SLC25A34: variants seen among roughly 807,000 people sequenced by gnomAD.
SLC25A34 encodes the protein solute carrier family 25, member 34.
SLC25A34 carries 26 observed loss-of-function variants against 28.1 expected under a neutral mutation model. That is an observed-to-expected ratio of 0.93 (90% CI 0.68 to 1.28). The LOEUF (loss-of-function observed/expected upper bound fraction) is 1.28. Among genes scored for constraint, SLC25A34 ranks in the 50% most tolerant of loss-of-function variants. The probability of loss-of-function intolerance (pLI) is 0.00; values close to 1 mark genes in which losing one functional copy is unlikely to be tolerated. For missense variants in SLC25A34, 384 were observed against 409.8 expected (o/e 0.94, Z 0.54); for synonymous variants, 182 against 182.2 (o/e 1.00, Z 0.01).
intron 4 of SLC25A34, 148 bp from the exon 5 acceptor site, chr1:15,739,076 C>A: frequency 9.6e-7 from 1 of 1,038,276 alleles, no homozygotes; most frequent in South Asian, 1.8e-5. Context: ...CACAGCCTTC[C>A]CATGGCGCCG....
At position 15,741,078 on chromosome 1, in the gene SLC25A34, G is replaced by A. The variant is rs970628733; in HGVS notation, c.*1672G>A. The A allele has an allele frequency of 5.9e-5, 9 of 152,312 alleles. No homozygotes were observed. The highest frequency in any genetic ancestry group is 2.1e-4 in the South Asian group (1 of 4,836). The allele number at this position is 152,312 out of a possible 1,614,324, so 9.4% of individuals were successfully genotyped here. On this transcript the variant is annotated 3_prime_UTR_variant, in exon 5 of 5. Transcript: ENST00000294454. The stretch of plus-strand genomic sequence containing the variant: ...TCCTGACAAGCCTGAAAGAAGCTCC[G>A]GGTGCCCATTGTTCAGTCCAGGTGC...
rs1038534933 is a variant in SLC25A34, at chr1:15,740,696, A to G, written c.*1290A>G. The G allele has an allele frequency of 3.9e-5, 6 of 151,972 alleles. No homozygotes were observed. The highest frequency in any genetic ancestry group is 9.7e-5 in the African/African-American group (4 of 41,270). 9.4% of individuals were successfully genotyped at this position (151,972 alleles called of 1,614,324 possible). A position where few individuals can be genotyped will look rare whatever the true frequency, so the allele number is the denominator to read the frequency against. On this transcript the variant is annotated 3_prime_UTR_variant, in exon 5 of 5. Coordinates refer to ENST00000294454, the MANE Select transcript of SLC25A34 (RefSeq NM_207348.3). ...CAGGGGCCGCAGTTCAGCCAACATC[A>G]TCTTTTTTTTTGAGATGGAGTCTCG...
Position 15,739,523 on chromosome 1 carries a change from C to G in SLC25A34, c.*117C>G, listed in dbSNP as rs1342854099. The G allele has an allele frequency of 1.6e-6, 2 of 1,264,688 alleles. No homozygotes were observed. The highest frequency in any genetic ancestry group is 1.5e-5 in the African/African-American group (1 of 65,560). The allele number at this position is 1,264,688 out of a possible 1,614,324, so 78.3% of individuals were successfully genotyped here. A position where few individuals can be genotyped will look rare whatever the true frequency, so the allele number is the denominator to read the frequency against. ...CATGGGCCCAGGCCCTGCCAGAGGT[C>G]CCGGGAGAGTGTGGACAGCTCTGGT... On this transcript the variant is annotated 3_prime_UTR_variant, in exon 5 of 5. Coordinates refer to ENST00000294454, the MANE Select transcript of SLC25A34 (RefSeq NM_207348.3).
chr1:15,739,696 G>A lies in SLC25A34; in HGVS notation c.*290G>A. ...TGCTCAGTTATAGCAACTGCTGCGG[G>A]CGTGCACATGGCATAGGCCCAGTAA... On this transcript the variant is annotated 3_prime_UTR_variant, in exon 5 of 5. Coordinates refer to ENST00000294454, the MANE Select transcript of SLC25A34 (RefSeq NM_207348.3). 1 of 308,592 alleles carries A rather than the reference G, an allele frequency of 3.2e-6. No individual in the cohort carries two copies. 19.1% of individuals were successfully genotyped at this position (308,592 alleles called of 1,614,324 possible).
chr1:15,736,912 C>G, intron 1 of SLC25A34, 49 bp downstream of exon 1: 3 of 1,459,570 alleles, frequency 2.1e-6, no homozygotes, highest in African/African-American at 1.4e-5. Flanking sequence ...CATGACCCAG[C>G]TCCCACAGGG....
Position 15,738,711 on chromosome 1 carries a change from G to C in SLC25A34, c.715G>C (p.Val239Leu). 6.3e-7 allele frequency: 1 copy of C among 1,583,798 alleles called. No individual in the cohort carries two copies. Among genetic ancestry groups the C allele is most frequent in the Admixed American group, 1.7e-5 (1 of 57,236 alleles). ...CAGCACGCGGCTATACAATCAGCCG[G>C]TGGACACAGCTGGCAGGGTGAGCAG... Reference protein sequence around the residue: ...VVSTRLYNQPVDTAGRGQLYG... With the variant: ...VVSTRLYNQPLDTAGRGQLYG... The change falls in exon 4 of 5, where the codon GTG becomes CTG. Residue 239 changes from valine to leucine, a missense_variant. Physicochemically the swap from Val to Leu is conservative, Grantham distance 32. Coordinates refer to ENST00000294454, the MANE Select transcript of SLC25A34 (RefSeq NM_207348.3).
rs1401711700 is a variant in SLC25A34 at position 15,738,587 on chromosome 1, C to T, written c.598-7C>T. 6.2e-7 allele frequency: 1 copy of T among 1,605,200 alleles called. No homozygotes were observed. The highest frequency in any genetic ancestry group is 1.1e-5 in the South Asian group (1 of 90,216). On this transcript the variant is annotated splice_region_variant and splice_polypyrimidine_tract_variant and intron_variant, in intron 3 of 4. Coordinates refer to ENST00000294454, the MANE Select transcript of SLC25A34 (RefSeq NM_207348.3). Reference sequence around the variant, plus strand: ...TGCAGGGATCAGCACCTGTGCCATCCCCACAGTGGCTCCCTGAGGACAGCT... The same window carrying T: ...TGCAGGGATCAGCACCTGTGCCATCTCCACAGTGGCTCCCTGAGGACAGCT...
Position 15,736,819 on chromosome 1 carries a change from G to C in SLC25A34, c.334G>C (p.Val112Leu). ...QPGGTVVAGA[V>L]AGALGAFVGS... is the part of the protein sequence containing the mutation. ...AGGTGGCACCGTGGTTGCGGGAGCCGTGGCGGGGGCACTGGGAGCCTTCGT... is the reference window on the plus strand; with the variant it reads ...AGGTGGCACCGTGGTTGCGGGAGCCCTGGCGGGGGCACTGGGAGCCTTCGT... The change falls in exon 1 of 5, where the codon GTG becomes CTG. Residue 112 changes from valine (V) to leucine (L), a missense_variant. By Grantham distance (32) the Val-to-Leu change is conservative. Coordinates refer to ENST00000294454, the MANE Select transcript of SLC25A34 (RefSeq NM_207348.3). 6.3e-7 allele frequency: 1 copy of C among 1,592,912 alleles called. No homozygotes were observed. Among genetic ancestry groups the C allele is most frequent in the East Asian group, 2.2e-5 (1 of 44,486 alleles).
chr1:15,737,259 A>T (rs72882187), intron 1 of SLC25A34, among the ~76,000 whole-genome samples: 3,056 of 152,336 alleles, frequency 0.02, 102 homozygotes, highest in African/African-American at 0.068. Flanking sequence ...ATAAAAAATT[A>T]AAAAATGTTT....
Position 15,739,349 on chromosome 1 carries a change from G to A in SLC25A34, c.858G>A (p.Met286Ile), listed in dbSNP as rs1193905594. ...LRLGPHTILS[M>I]LFWDELRKLA... ...TGGGCCCCCACACCATCCTCAGCAT[G>A]CTCTTCTGGGACGAGCTTCGGAAAC... The change falls in exon 5 of 5, where the codon ATG (methionine) becomes ATA (isoleucine). Residue 286 changes from methionine (M) to isoleucine (I), a missense_variant. Coordinates refer to ENST00000294454, the MANE Select transcript of SLC25A34 (RefSeq NM_207348.3). 1 of 1,605,852 alleles carries A rather than the reference G, an allele frequency of 6.2e-7. No homozygotes were observed. Among genetic ancestry groups the A allele is most frequent in the Admixed American group, 1.7e-5 (1 of 58,642 alleles).
intron 1 of SLC25A34, among the ~76,000 whole-genome samples, chr1:15,737,463 G>T (rs1015178201): frequency 6.6e-6 from 1 of 152,092 alleles, no homozygotes; most frequent in African/African-American, 2.4e-5. Flanking sequence ...CCAGCTACCG[G>T]GGAGGCTGAG....
At chr1:15,737,855 G>C in intron 1 of SLC25A34, 74 bp from the exon 2 acceptor site, 1 of 1,544,200 alleles carries the variant, frequency 6.5e-7, no homozygotes, top group Non-Finnish European at 8.9e-7. Flanking sequence ...GGGGCAGGGC[G>C]CCCTCAACAC....
chr1:15,738,761 G>A, intron 4 of SLC25A34, 33 bp downstream of exon 4: 1 of 1,492,884 alleles, frequency 6.7e-7, no homozygotes, highest in Non-Finnish European at 8.9e-7. Context: ...GAGACCGTGG[G>A]GAGCTGGGAG....
rs762087779 is a variant in SLC25A34, at chr1:15,736,501, C to T, written c.16C>T (p.Pro6Ser). The T allele has an allele frequency of 7.6e-6, 11 of 1,453,290 alleles. No individual in the cohort carries two copies. Among genetic ancestry groups the T allele is most frequent in the Admixed American group, 5.5e-5 (2 of 36,126 alleles). 90.0% of individuals were successfully genotyped at this position (1,453,290 alleles called of 1,614,324 possible). A position where few individuals can be genotyped will look rare whatever the true frequency, so the allele number is the denominator to read the frequency against. The change falls in exon 1 of 5, where the codon CCA becomes TCA. Residue 6 changes from proline (P) to serine (S), a missense_variant. By Grantham distance (74) the Pro-to-Ser change is moderately conservative. Coordinates refer to ENST00000294454, the MANE Select transcript of SLC25A34 (RefSeq NM_207348.3). The part of the protein sequence containing the change: METVP[P>S]AVDLVLGASA... ...CCCGGAGGCCATGGAGACGGTGCCC[C>T]CAGCAGTGGACCTGGTGCTGGGTGC... is the stretch of plus-strand genomic sequence containing the variant.
intron 4 of SLC25A34, 131 bp downstream of exon 4, chr1:15,738,859 G>T: frequency 2.4e-6 from 3 of 1,230,642 alleles, no homozygotes; most frequent in Non-Finnish European, 3.2e-6. Context: ...CACAGGCCAG[G>T]TATGCAAACA....
chr1:15,738,489 C>A, intron 3 of SLC25A34, 105 bp from the exon 4 acceptor site: 1 of 1,479,714 alleles, frequency 6.8e-7, no homozygotes, highest in Non-Finnish European at 9.0e-7. Flanking sequence ...CATCTGCTCC[C>A]CTTTCTGTAG....
At position 15,739,676 on chromosome 1, in the gene SLC25A34, A is replaced by G. The variant is rs1477057013; in HGVS notation, c.*270A>G. ...GTCACCACATCCCAGAGCCTTGCTC[A>G]GTTATAGCAACTGCTGCGGGCGTGC... On this transcript the variant is annotated 3_prime_UTR_variant, in exon 5 of 5. Transcript: ENST00000294454. The G allele has an allele frequency of 8.5e-6, 3 of 354,494 alleles. No homozygotes were observed. Among genetic ancestry groups the G allele is most frequent in the East Asian group, 8.5e-5 (2 of 23,546 alleles). 22.0% of individuals were successfully genotyped at this position (354,494 alleles called of 1,614,324 possible).
At chr1:15,738,808 A>C in intron 4 of SLC25A34, 80 bp downstream of exon 4, 207 of 1,357,938 alleles carry the variant, frequency 1.5e-4, no homozygotes, top group South Asian at 1.8e-4. Context: ...ACACACTCTC[A>C]CACACTCACA....
intron 1 of SLC25A34, 87 bp downstream of exon 1, chr1:15,736,950 A>T: frequency 1.1e-5 from 15 of 1,324,992 alleles, no homozygotes; most frequent in East Asian, 2.9e-5. Context: ...GGCAGGGCTC[A>T]GTGGACCTGG....
Sources: gnomAD v4.1 joint callset for allele counts (sites outside exome capture counted in the v4.1 genomes callset) on GRCh38, gnomAD v4.1.1 for gene constraint, MANE v1.5 for transcripts, NCBI Gene and HGNC (gene_info 2026-07-23, HGNC 2026-07-21) for gene names.